The following NHSL3 variants were observed in gnomAD, a reference collection of about 807,000 sequenced individuals.
The protein encoded by NHSL3 is NHS-like protein 3.
chr1:32,767,758 T>C, the NHSL3 span: 2 of 1,581,728 alleles, frequency 1.3e-6, no homozygotes, highest in Non-Finnish European at 8.6e-7. Context: ...TGCCTTTACC[T>C]CATTTCCCTT....
chr1:32,773,077 C>T, the NHSL3 span: 12 of 617,876 alleles, frequency 1.9e-5, no homozygotes, highest in African/African-American at 3.7e-5. Flanking sequence ...ATCCTGCGCT[C>T]ATGCCTTTTC....
the NHSL3 span, chr1:32,771,987 C>T: frequency 3.1e-6 from 5 of 1,605,492 alleles, no homozygotes; most frequent in East Asian, 1.1e-4. Flanking sequence ...CGGTCCGACT[C>T]AAGGCCTGCA....
the NHSL3 span, chr1:32,741,976 G>A: frequency 8.0e-5 from 93 of 1,155,932 alleles, no homozygotes; most frequent in Non-Finnish European, 9.6e-5. This position sits in a 1 kb window ranked among gnomAD's most constrained non-coding sequence, Gnocchi z 4.3. Flanking sequence ...CGCGCCCCCC[G>A]CCGCACCTGC....
chr1:32,745,999 G>A, the NHSL3 span, among the ~76,000 whole-genome samples: 1 of 152,100 alleles, frequency 6.6e-6, no homozygotes, highest in East Asian at 1.9e-4. Flanking sequence ...GGGAGGCTGA[G>A]GCGGGCGGAT....
the NHSL3 span, chr1:32,774,141 G>A: frequency 6.5e-6 from 1 of 152,844 alleles, no homozygotes; most frequent in East Asian, 1.9e-4. Context: ...ATTGGCCCCT[G>A]TGGGTCCACA....
At chr1:32,745,244 G>C in the NHSL3 span, among the ~76,000 whole-genome samples, 4 of 152,030 alleles carry the variant, frequency 2.6e-5, no homozygotes, top group East Asian at 5.8e-4. Flanking sequence ...CAGTCTGGAA[G>C]GAATGGGCTC....
the NHSL3 span, among the ~76,000 whole-genome samples, chr1:32,766,161 C>T: frequency 6.6e-6 from 1 of 151,862 alleles, no homozygotes; most frequent in Non-Finnish European, 1.5e-5. Context: ...CCTAGTGTGC[C>T]GGGGAGGATG....
chr1:32,757,399 G>A, the NHSL3 span, among the ~76,000 whole-genome samples: 3 of 151,798 alleles, frequency 2.0e-5, no homozygotes, highest in South Asian at 6.3e-4. Context: ...AGAGACTGTT[G>A]CAGTAATCCA....
the NHSL3 span, among the ~76,000 whole-genome samples, chr1:32,750,381 C>T: frequency 6.6e-6 from 1 of 152,150 alleles, no homozygotes; most frequent in African/African-American, 2.4e-5. Context: ...GGATTTAAAC[C>T]CTGAATCTTG....
the NHSL3 span, chr1:32,771,188 T>G: frequency 6.2e-7 from 1 of 1,608,176 alleles, no homozygotes; most frequent in Non-Finnish European, 8.5e-7. Context: ...CCTGCCCCCT[T>G]CTCCCCACCT....
chr1:32,762,567 C>A, the NHSL3 span, among the ~76,000 whole-genome samples: 1 of 151,646 alleles, frequency 6.6e-6, no homozygotes, highest in Admixed American at 6.6e-5. Flanking sequence ...GGCTCAAGCC[C>A]AGCCTCCCAG....
At chr1:32,762,798 C>T in the NHSL3 span, among the ~76,000 whole-genome samples, 2 of 152,096 alleles carry the variant, frequency 1.3e-5, no homozygotes, top group African/African-American at 4.8e-5. Context: ...CCATATTGAC[C>T]AGGCTGGTCT....
the NHSL3 span, among the ~76,000 whole-genome samples, chr1:32,753,715 C>A: frequency 6.6e-6 from 1 of 152,242 alleles, no homozygotes; most frequent in Non-Finnish European, 1.5e-5. Flanking sequence ...GGCAGCAGGG[C>A]TGCGGATCCG....
the NHSL3 span, among the ~76,000 whole-genome samples, chr1:32,755,124 G>A: frequency 3.9e-5 from 6 of 152,234 alleles, no homozygotes; most frequent in African/African-American, 1.4e-4. Context: ...CCCAACAAGT[G>A]CGGCAGTTCA....
chr1:32,757,767 A>G, the NHSL3 span, among the ~76,000 whole-genome samples: 1 of 152,144 alleles, frequency 6.6e-6, no homozygotes, highest in African/African-American at 2.4e-5. Flanking sequence ...CAGCAAGGAG[A>G]TGGCTGAATC....
At chr1:32,752,888 A>C in the NHSL3 span, among the ~76,000 whole-genome samples, 2 of 119,186 alleles carry the variant, frequency 1.7e-5, no homozygotes, top group Non-Finnish European at 3.6e-5. Flanking sequence ...GTTTTTAAAG[A>C]AAAAAAAAAC....
the NHSL3 span, among the ~76,000 whole-genome samples, chr1:32,760,577 T>G: frequency 2.1e-5 from 3 of 142,062 alleles, no homozygotes; most frequent in Non-Finnish European, 3.1e-5. Flanking sequence ...GCTTTATGGG[T>G]GTGTGTGTGT....
At chr1:32,769,666 C>A in the NHSL3 span, 1 of 1,605,754 alleles carries the variant, frequency 6.2e-7, no homozygotes, top group Middle Eastern at 1.9e-4. Flanking sequence ...CCACGACTGG[C>A]CCCCAGGCTC....
At chr1:32,771,113 G>T in the NHSL3 span, 2 of 1,612,838 alleles carry the variant, frequency 1.2e-6, no homozygotes, top group South Asian at 1.1e-5. Context: ...CCCTCAGACC[G>T]CTCTGGGCCA....
Sources: gnomAD v4.1 joint callset for allele counts (sites outside exome capture counted in the v4.1 genomes callset) on GRCh38, gnomAD v4.1.1 for gene constraint, Gnocchi (gnomAD v3.1) non-coding constraint, MANE v1.5 for transcripts, NCBI Gene and HGNC (gene_info 2026-07-23, HGNC 2026-07-21) for gene names.